Variants in KDM6B observed in about 807,000 individuals in gnomAD.
KDM6B encodes lysine-specific demethylase 6B.
KDM6B carries 22 observed loss-of-function variants against 150.4 expected under a neutral mutation model. The observed-to-expected ratio is 0.15, with a 90% CI of 0.10 to 0.21. The LOEUF is 0.21. Ranked by LOEUF, KDM6B falls within the 10% of genes least tolerant of loss-of-function variation. The pLI, the probability that KDM6B is intolerant of heterozygous loss-of-function variation, is 1.00. For synonymous variants in KDM6B, 1,148 were observed against 921.1 expected (o/e 1.25, Z -4.46); for missense variants, 1,984 against 2,234.3 (o/e 0.89, Z 2.26).
rs373528468 is a variant in KDM6B, at chr17:7,846,625, G to A, written c.596G>A (p.Arg199Gln). 25 of 1,613,958 alleles carry A rather than the reference G, an allele frequency of 1.5e-5. No homozygotes were observed. The highest frequency in any genetic ancestry group is 1.9e-5 in the Non-Finnish European group (23 of 1,180,004). Residue 199 changes from arginine to glutamine, a missense_variant, in exon 9 of 24, where the codon CGA (arginine) becomes CAA (glutamine). Arg to Gln is a conservative substitution (Grantham distance 43). Transcript: ENST00000448097. ...AAGCGGGGAGGTCCCCCGGTGAAGC[G>A]AGCTGCTGAACCCCCAGTGGTGCAG... The part of the protein sequence containing the change: ...GAKRGGPPVK[R>Q]AAEPPVVQPV...
chr17:7,843,127 T>A lies in KDM6B; in HGVS notation c.-268-1774T>A, dbSNP rs2078452002. 6.6e-6 allele frequency among the ~76,000 whole-genome samples: 1 copy of A among 152,058 alleles called. No individual in the cohort carries two copies. The highest frequency in any genetic ancestry group is 2.1e-4 in the South Asian group (1 of 4,826). On this transcript the variant is annotated intron_variant, in intron 2 of 23. Transcript: ENST00000448097. This position sits in a 1 kb window ranked among gnomAD's most constrained non-coding sequence, Gnocchi z 4.5. ...GGGAAGTGGCAGAGGGGAAGTGTCA[T>A]CATCGCCGAAGGGGAAGCTGCCTTT...
Position 7,845,585 on chromosome 17 carries a change from C to T in KDM6B, c.31C>T (p.Arg11Cys), listed in dbSNP as rs757487883. ...TCGGGCAGTGGACCCTCCAGGGGCC[C>T]GCGCTGCACGGGAAGCCTTTGCCCT... MHRAVDPPGA[R>C]AAREAFALGG... Residue 11 changes from arginine (R) to cysteine (C), a missense_variant, in exon 5 of 24, where the codon CGC (arginine) becomes TGC (cysteine). Arg to Cys is a radical substitution (Grantham distance 180, BLOSUM62 -3). Coordinates refer to ENST00000448097, the MANE Select transcript of KDM6B (RefSeq NM_001348716.2). 1.9e-6 allele frequency: 3 copies of T among 1,614,106 alleles called. No homozygotes were observed. The highest frequency in any genetic ancestry group is 2.2e-5 in the South Asian group (2 of 91,090).
Position 7,834,263 on chromosome 17 carries a change from CCAGCCCCGG to C in KDM6B, c.-473_-465del. Reference sequence around the variant, plus strand: ...TGCGCCACTGGGCGGAGCGGCCCCCCCAGCCCCGGCCTGGGAGAAGGGGGGGCCGCTCGA... The same window carrying C: ...TGCGCCACTGGGCGGAGCGGCCCCCCCCTGGGAGAAGGGGGGGCCGCTCGA... On this transcript the variant is annotated 5_prime_UTR_variant, in exon 1 of 24. Transcript: ENST00000448097. 6.6e-6 allele frequency among the ~76,000 whole-genome samples: 1 copy of C among 151,292 alleles called. No homozygotes were observed. The highest frequency in any genetic ancestry group is 1.5e-5 in the Non-Finnish European group (1 of 67,666).
At chr17:7,836,756 G>A (rs1346306496) in intron 1 of KDM6B, among the ~76,000 whole-genome samples, 2 of 152,186 alleles carry the variant, frequency 1.3e-5, no homozygotes, top group African/African-American at 4.8e-5. Context: ...CTCCTTTTTG[G>A]GTTCCCAGAA....
chr17:7,835,095 G>A (rs2078306355), intron 1 of KDM6B, among the ~76,000 whole-genome samples: 1 of 152,038 alleles, frequency 6.6e-6, no homozygotes, highest in Non-Finnish European at 1.5e-5. Context: ...CCGGTCCGAG[G>A]GAAAGGTAGG....
At chr17:7,837,915 G>C (rs1212513859) in intron 1 of KDM6B, among the ~76,000 whole-genome samples, 1 of 152,004 alleles carries the variant, frequency 6.6e-6, no homozygotes, top group Admixed American at 6.6e-5. Context: ...GGAGATTGGG[G>C]TTAGGGGGCT....
In KDM6B at chr17:7,848,528, C is replaced by T. The variant is rs148269665; in HGVS notation, c.2240C>T (p.Pro747Leu). 131 of 1,610,944 alleles carry T rather than the reference C, an allele frequency of 8.1e-5. No individual in the cohort carries two copies. The African/African-American group carries it at 1.5e-3, about 18-fold the overall frequency. ...GACACAGCCCCCACCACTACTGCTC[C>T]TGCTGTCGCCGTCACCACCACCACC... ...PTDTAPTTTA[P>L]AVAVTTTTTT... The change falls in exon 12 of 24, where the codon CCT (proline) becomes CTT (leucine). Residue 747 changes from proline (P) to leucine (L), a missense_variant. By Grantham distance (98) the Pro-to-Leu change is moderately conservative. Coordinates refer to ENST00000448097, the MANE Select transcript of KDM6B (RefSeq NM_001348716.2).
Position 7,847,461 on chromosome 17 carries a change from C to T in KDM6B, c.1257+9C>T. 6.2e-7 allele frequency: 1 copy of T among 1,613,642 alleles called. No individual in the cohort carries two copies. The highest frequency in any genetic ancestry group is 8.5e-7 in the Non-Finnish European group (1 of 1,179,916). ...AGCCGAACCCAGGCATTGTGAGTGA[C>T]AACTGAGGGTGGAGGGGGGGATGGG... On this transcript the variant is annotated intron_variant, in intron 11 of 23. Coordinates refer to ENST00000448097, the MANE Select transcript of KDM6B (RefSeq NM_001348716.2).
chr17:7,839,186 T>G (rs1424396458), intron 1 of KDM6B, among the ~76,000 whole-genome samples: 1 of 152,148 alleles, frequency 6.6e-6, no homozygotes, highest in Non-Finnish European at 1.5e-5. Context: ...GGACTTATGC[T>G]AAAAGACCTA....
chr17:7,848,470 C>A lies in KDM6B; in HGVS notation c.2182C>A (p.Pro728Thr). The change falls in exon 12 of 24, where the codon CCC becomes ACC. Residue 728 changes from proline (P) to threonine (T), a missense_variant. Physicochemically the swap from Pro to Thr is conservative, Grantham distance 38. Coordinates refer to ENST00000448097, the MANE Select transcript of KDM6B (RefSeq NM_001348716.2). ...GVAPQPPLKE[P>T]FASLQSPFPT... ...GGCCCCCCAACCCCCGCTGAAGGAGCCCTTTGCATCTCTGCAGTCTCCTTT... is the reference window on the plus strand; with the variant it reads ...GGCCCCCCAACCCCCGCTGAAGGAGACCTTTGCATCTCTGCAGTCTCCTTT... 6.2e-7 allele frequency: 1 copy of A among 1,611,622 alleles called. No homozygotes were observed. The highest frequency in any genetic ancestry group is 8.5e-7 in the Non-Finnish European group (1 of 1,179,866).
rs150106060 is a variant in KDM6B, at chr17:7,847,394, G to A, written c.1199G>A (p.Ser400Asn). The change falls in exon 11 of 24, where the codon AGC becomes AAC. Residue 400 changes from serine (S) to asparagine (N), a missense_variant. Coordinates refer to ENST00000448097, the MANE Select transcript of KDM6B (RefSeq NM_001348716.2). ...PPGLPGTTTS[S>N]SSSSSSNTGL... ...GGCCTCCCCGGCACCACCACCAGCA[G>A]CAGCAGTAGCAGCAGCAGCAACACT... The A allele has an allele frequency of 4.4e-5, 71 of 1,613,392 alleles. No individual in the cohort carries two copies. The Middle Eastern group carries it at 4.9e-4, about 11-fold the overall frequency.
In KDM6B at chr17:7,851,675, G is replaced by C. The variant is rs12939056; in HGVS notation, c.4044G>C (p.Leu1348=). 136 of 1,580,066 alleles carry C rather than the reference G, an allele frequency of 8.6e-5. No homozygotes were observed. The highest frequency in any genetic ancestry group is 2.0e-4 in the Admixed American group (11 of 54,512). Residue 1348 remains leucine (L), a synonymous_variant, in exon 18 of 24, where the codon CTG becomes CTC. Coordinates refer to ENST00000448097, the MANE Select transcript of KDM6B (RefSeq NM_001348716.2). ...GGAAGCCCCAGCTGCAGGAGCTGCT[G>C]AAGCTGCCCGCCTTCATGCGGGTAA... is the stretch of plus-strand genomic sequence containing the variant. ...KRWKPQLQEL[L]KLPAFMRVTS...
chr17:7,848,318 C>G lies in KDM6B; in HGVS notation c.2030C>G (p.Pro677Arg). Residue 677 changes from proline to arginine, a missense_variant, in exon 12 of 24, where the codon CCG (proline) becomes CGG (arginine). Pro to Arg is a moderately radical substitution (Grantham distance 103, BLOSUM62 -2). Around this residue, in one of 13 missense-constraint regions of KDM6B, gnomAD observed 1,379 missense variants for 1,275.6 expected, o/e 1.08. Transcript: ENST00000448097. ...CGACTCTTTGATTTTCCCCCCACTCCGCTGGAGGACCAGTTTGAGGAGCCA... is the reference window on the plus strand; with the variant it reads ...CGACTCTTTGATTTTCCCCCCACTCGGCTGGAGGACCAGTTTGAGGAGCCA... ...GPRLFDFPPT[P>R]LEDQFEEPAE... The G allele has an allele frequency of 6.2e-7, 1 of 1,612,768 alleles. No individual in the cohort carries two copies. The highest frequency in any genetic ancestry group is 1.1e-5 in the South Asian group (1 of 91,078).
chr17:7,839,631 C>T (rs1037037991), intron 1 of KDM6B, among the ~76,000 whole-genome samples: 4 of 152,064 alleles, frequency 2.6e-5, no homozygotes, highest in African/African-American at 7.2e-5. Context: ...TCAGCAGGAG[C>T]GTCCTGTCAG....
At position 7,849,451 on chromosome 17, in the gene KDM6B, G is replaced by C. The variant is rs762281316; in HGVS notation, c.3163G>C (p.Ala1055Pro). 6.2e-7 allele frequency: 1 copy of C among 1,612,458 alleles called. No homozygotes were observed. The highest frequency in any genetic ancestry group is 2.2e-5 in the East Asian group (1 of 44,858). ...ACCCACAGCTCCAGCCCCTCCATCA[G>C]CTCCTGCACCTTCTGCCCAGCCCAC... ...KPPTAPAPPS[A>P]PAPSAQPTPP... The change falls in exon 12 of 24, where the codon GCT becomes CCT. Residue 1055 changes from alanine (A) to proline (P), a missense_variant. This residue lies in a region of KDM6B where 1,379 missense variants were observed against 1,275.6 expected (regional missense o/e 1.08). Transcript: ENST00000448097.
Position 7,850,089 on chromosome 17 carries a change from T to C in KDM6B, c.3585T>C (p.Asp1195=), listed in dbSNP as rs1286370155. Residue 1195 remains aspartate (D), a synonymous_variant, in exon 14 of 24, where the codon GAT becomes GAC. Transcript: ENST00000448097. ...TGTCTCAGCTGGAGAGCAAACGGGATGCCTTCTCACCTGTCCTGCTGCAGT... is the reference window on the plus strand; with the variant it reads ...TGTCTCAGCTGGAGAGCAAACGGGACGCCTTCTCACCTGTCCTGCTGCAGT... ...TPSIYLESKR[D]AFSPVLLQFC... The C allele has an allele frequency of 1.9e-6, 3 of 1,613,880 alleles. No individual in the cohort carries two copies. Among genetic ancestry groups the C allele is most frequent in the Non-Finnish European group, 2.5e-6 (3 of 1,180,028 alleles).
At chr17:7,835,664 A>C (rs1194040893) in intron 1 of KDM6B, among the ~76,000 whole-genome samples, 8 of 152,046 alleles carry the variant, frequency 5.3e-5, no homozygotes, top group African/African-American at 1.2e-4. Flanking sequence ...GCGACAGGAA[A>C]GGGAGAGGGG....
rs1476251783 is a variant in KDM6B, at chr17:7,851,222, T to A, written c.3875T>A (p.Leu1292Gln). Residue 1292 changes from leucine to glutamine, a missense_variant, in exon 15 of 24, where the codon CTG becomes CAG. Transcript: ENST00000448097. ...CAGGCCTCATCCTTCCAGGAGTCTC[T>A]GCAGGTGAGATGAGAACGTGGCCAG... is the stretch of plus-strand genomic sequence containing the variant. ...QYQASSFQES[L>Q]QEEKESEDEE... 1 of 1,614,008 alleles carries A rather than the reference T, an allele frequency of 6.2e-7. No homozygotes were observed. Among genetic ancestry groups the A allele is most frequent in the Non-Finnish European group, 8.5e-7 (1 of 1,180,006 alleles).
chr17:7,853,594 C>T lies in KDM6B; in HGVS notation c.*73C>T. 2 of 1,208,344 alleles carry T rather than the reference C, an allele frequency of 1.7e-6. No homozygotes were observed. The highest frequency in any genetic ancestry group is 1.1e-6 in the Non-Finnish European group (1 of 935,628). 74.9% of individuals were successfully genotyped at this position (1,208,344 alleles called of 1,614,324 possible). ...CCACCAGCACATGCCTGGGCTGGAC[C>T]TAGGTCCCGCCTGTGGCCGAGAAGG... On this transcript the variant is annotated 3_prime_UTR_variant, in exon 24 of 24. Transcript: ENST00000448097.
Sources: allele counts gnomAD v4.1 joint callset (sites outside exome capture counted in the v4.1 genomes callset), GRCh38; gene constraint gnomAD v4.1.1; regional missense constraint gnomAD v4.1.1; non-coding constraint Gnocchi (gnomAD v3.1); transcripts MANE v1.5; gene names NCBI Gene and HGNC (gene_info 2026-07-23, HGNC 2026-07-21).